RPA3: variants seen among roughly 807,000 people sequenced by gnomAD.
RPA3 encodes replication protein A 14 kDa subunit.
A neutral mutation model predicts 13.7 loss-of-function variants in RPA3; 24 were observed. The ratio of observed to expected loss-of-function variants is 1.75; its 90% CI spans 1.27 to 2.46. The LOEUF is 2.46. Ranked by LOEUF, RPA3 falls within the 30% of genes most tolerant of loss-of-function variation. The probability of loss-of-function intolerance (pLI) is 0.00; values close to 1 mark genes in which losing one functional copy is unlikely to be tolerated. For missense variants in RPA3, 183 were observed against 151.0 expected (o/e 1.21, Z -1.11); for synonymous variants, 59 against 51.2 (o/e 1.15, Z -0.65).
At chr7:7,697,820 C>T (rs564276000) in intron 2 of RPA3, among the ~76,000 whole-genome samples, 4 of 152,146 alleles carry the variant, frequency 2.6e-5, no homozygotes, top group Non-Finnish European at 5.9e-5. Flanking sequence ...GGGTATCCAT[C>T]TTCCAATTTG....
At chr7:7,702,781 G>A (rs984666528) in intron 2 of RPA3, among the ~76,000 whole-genome samples, 1 of 149,408 alleles carries the variant, frequency 6.7e-6, no homozygotes, top group Non-Finnish European at 1.5e-5. Context: ...CAGTGGCCTG[G>A]GTTTTTGTTG....
intron 4 of RPA3, among the ~76,000 whole-genome samples, chr7:7,655,950 C>G (rs1785331146): frequency 6.6e-6 from 1 of 152,140 alleles, no homozygotes; most frequent in African/African-American, 2.4e-5. Context: ...ATTCTCCTGC[C>G]TCAGCCTTCC....
intron 2 of RPA3, among the ~76,000 whole-genome samples, chr7:7,690,520 T>A (rs1020894614): frequency 6.6e-6 from 1 of 152,142 alleles, no homozygotes; most frequent in Admixed American, 6.6e-5. Flanking sequence ...TTATTATAAA[T>A]TGAGCTGCAG....
At chr7:7,714,891 C>T (rs1320140633) in intron 2 of RPA3, among the ~76,000 whole-genome samples, 2 of 141,230 alleles carry the variant, frequency 1.4e-5, no homozygotes, top group African/African-American at 5.3e-5. Context: ...GTAACACTTG[C>T]AGACCTGTTG....
chr7:7,695,318 A>C (rs936056413), intron 2 of RPA3, among the ~76,000 whole-genome samples: 1 of 152,226 alleles, frequency 6.6e-6, no homozygotes, highest in African/African-American at 2.4e-5. Context: ...TCTCAAGCCC[A>C]GCCAACTTTA....
At chr7:7,686,363 C>T (rs1400061821) in intron 3 of RPA3, among the ~76,000 whole-genome samples, 1 of 151,994 alleles carries the variant, frequency 6.6e-6, no homozygotes, top group Non-Finnish European at 1.5e-5. Flanking sequence ...ATCCCATTGG[C>T]AGTAAGGAAC....
chr7:7,639,740 A>G (rs1476376492), intron 5 of RPA3, among the ~76,000 whole-genome samples: 3 of 152,192 alleles, frequency 2.0e-5, no homozygotes, highest in Admixed American at 1.3e-4. Flanking sequence ...GAGCTACTAA[A>G]TAAGTCTTTA....
chr7:7,640,561 T>G lies in RPA3; in HGVS notation c.-143A>C, dbSNP rs945913975. 1.4e-6 allele frequency: 1 copy of G among 718,904 alleles called. No homozygotes were observed. Among genetic ancestry groups the G allele is most frequent in the Non-Finnish European group, 2.4e-6 (1 of 422,628 alleles). 44.5% of individuals were successfully genotyped at this position (718,904 alleles called of 1,614,324 possible). On this transcript the variant is annotated 5_prime_UTR_variant, in exon 5 of 8. Coordinates refer to ENST00000223129, the MANE Select transcript of RPA3 (RefSeq NM_002947.5). Reference sequence around the variant, plus strand: ...TTCGCCAATTAAATGCGCGGAAACCTAAATCGCAATCGCGCTGTCTCTGAA... The same window carrying G: ...TTCGCCAATTAAATGCGCGGAAACCGAAATCGCAATCGCGCTGTCTCTGAA...
Position 7,636,959 on chromosome 7 carries a change from T to G in RPA3, c.*41A>C, listed in dbSNP as rs1172534396. On this transcript the variant is annotated 3_prime_UTR_variant, in exon 8 of 8. Coordinates refer to ENST00000223129, the MANE Select transcript of RPA3 (RefSeq NM_002947.5). ...CAAGAAGGGCTTCCTTTAATAGACT[T>G]TAATATAGCTCATTTACAATCGTAT... The G allele has an allele frequency of 7.1e-7, 1 of 1,407,746 alleles. No individual in the cohort carries two copies. Among genetic ancestry groups the G allele is most frequent in the African/African-American group, 1.4e-5 (1 of 70,828 alleles). 87.2% of individuals were successfully genotyped at this position (1,407,746 alleles called of 1,614,324 possible).
At chr7:7,717,644 C>T (rs949345864) in intron 1 of RPA3, among the ~76,000 whole-genome samples, 5 of 152,164 alleles carry the variant, frequency 3.3e-5, no homozygotes, top group Non-Finnish European at 7.4e-5. Context: ...TTTAATTCAT[C>T]TGTTTTTCCC....
rs749445748 is a variant in RPA3 at position 7,637,100 on chromosome 7, G to A, written c.284-18C>T. On this transcript the variant is annotated intron_variant, in intron 7 of 7. Coordinates refer to ENST00000223129, the MANE Select transcript of RPA3 (RefSeq NM_002947.5). The stretch of plus-strand genomic sequence containing the variant: ...TCCAAGATCTGAAAGAAACATTTAA[G>A]CAAACATTTAATCTACAATGGAAAG... 6.6e-7 allele frequency: 1 copy of A among 1,524,468 alleles called. No individual in the cohort carries two copies. 94.4% of individuals were successfully genotyped at this position (1,524,468 alleles called of 1,614,324 possible). A position where few individuals can be genotyped will look rare whatever the true frequency, so the allele number is the denominator to read the frequency against.
At chr7:7,706,814 C>T (rs1292915079) in intron 2 of RPA3, among the ~76,000 whole-genome samples, 44 of 152,092 alleles carry the variant, frequency 2.9e-4, no homozygotes, top group Admixed American at 2.8e-3. Flanking sequence ...GTTCTACATC[C>T]TATCTGTTGG....
At chr7:7,706,140 GTGT>G (rs1361422277) in intron 2 of RPA3, among the ~76,000 whole-genome samples, 2 of 152,182 alleles carry the variant, frequency 1.3e-5, no homozygotes, top group African/African-American at 4.8e-5. Flanking sequence ...TATCTCAATA[GTGT>G]TGTGTATGTT....
At chr7:7,697,080 T>A (rs1780338870) in intron 2 of RPA3, among the ~76,000 whole-genome samples, 1 of 152,180 alleles carries the variant, frequency 6.6e-6, no homozygotes, top group Non-Finnish European at 1.5e-5. Flanking sequence ...GTAGATGAGA[T>A]GATTTTCAGT....
At position 7,650,553 on chromosome 7, in the gene RPA3, A is replaced by G. The variant is rs192265213; in HGVS notation, c.-757-9378T>C. The stretch of plus-strand genomic sequence containing the variant: ...ACAGGATGGTAGTGATGGCTGCAGG[A>G]CAGTGTGAATGTACCTAATGCCACT... On this transcript the variant is annotated intron_variant, in intron 4 of 7. Coordinates refer to ENST00000223129, the MANE Select transcript of RPA3 (RefSeq NM_002947.5). Among the ~76,000 whole-genome samples the G allele has an allele frequency of 2.5e-3, 382 of 152,328 alleles. 1 individual carries two copies. Among genetic ancestry groups the G allele is most frequent in the African/African-American group, 8.8e-3 (365 of 41,560 alleles).
At chr7:7,666,242 C>T (rs1779453055) in intron 4 of RPA3, among the ~76,000 whole-genome samples, 1 of 152,088 alleles carries the variant, frequency 6.6e-6, no homozygotes. Context: ...ATAGCCCTGT[C>T]ACCCAGGCTG....
intron 4 of RPA3, among the ~76,000 whole-genome samples, chr7:7,665,972 A>G (rs1779443131): frequency 6.6e-6 from 1 of 151,660 alleles, no homozygotes; most frequent in African/African-American, 2.4e-5. Context: ...TTGGTTATTA[A>G]AAAAAAAGTT....
At chr7:7,680,333 A>C (rs1424670865) in intron 4 of RPA3, among the ~76,000 whole-genome samples, 2 of 152,184 alleles carry the variant, frequency 1.3e-5, no homozygotes, top group East Asian at 3.8e-4. Context: ...ACCCTTGTTG[A>C]AAATGAGTTC....
chr7:7,673,587 T>A (rs1779666153), intron 4 of RPA3: 1 of 606,652 alleles, frequency 1.6e-6, no homozygotes, highest in Non-Finnish European at 2.9e-6. Flanking sequence ...TTTTAAAGCG[T>A]AAAATCTGTA....
Sources: gnomAD v4.1 joint callset for allele counts (sites outside exome capture counted in the v4.1 genomes callset) on GRCh38, gnomAD v4.1.1 for gene constraint, MANE v1.5 for transcripts, NCBI Gene and HGNC (gene_info 2026-07-23, HGNC 2026-07-21) for gene names.